Variants in LRRC8A observed in about 807,000 individuals in gnomAD.
The protein encoded by LRRC8A is leucine rich repeat containing 8 VRAC subunit A, also known as volume-regulated anion channel subunit LRRC8A.
LRRC8A carries 24 observed loss-of-function variants against 52.5 expected under a neutral mutation model. That is an observed-to-expected ratio of 0.46 (90% CI 0.33 to 0.64). The LOEUF is 0.64. Ranked by LOEUF, LRRC8A falls within the 30% of genes least tolerant of loss-of-function variation. LRRC8A has a pLI of 0.02. For missense variants in LRRC8A, 677 were observed against 1,094.7 expected (o/e 0.62, Z 5.38); for synonymous variants, 492 against 494.2 (o/e 1.00, Z 0.06).
intron 3 of LRRC8A, among the ~76,000 whole-genome samples, chr9:128,915,244 C>G (rs1840757002): frequency 6.6e-6 from 1 of 152,160 alleles, no homozygotes; most frequent in South Asian, 2.1e-4. Flanking sequence ...GTGCAGAACC[C>G]TATATGTTCT....
At position 128,892,558 on chromosome 9, in the gene LRRC8A, A is replaced by G. The variant is rs1185305141; in HGVS notation, c.-9+6437A>G. Among the ~76,000 whole-genome samples the G allele has an allele frequency of 6.6e-6, 1 of 152,012 alleles. No individual in the cohort carries two copies. The highest frequency in any genetic ancestry group is 2.4e-5 in the African/African-American group (1 of 41,388). Reference sequence around the variant, plus strand: ...ACCCTTCTACACAGGGCGAGTCCCAAGCCAGGCAACACCCCCAGCCAGCAG... The same window carrying G: ...ACCCTTCTACACAGGGCGAGTCCCAGGCCAGGCAACACCCCCAGCCAGCAG... On this transcript the variant is annotated intron_variant, in intron 2 of 3. Coordinates refer to ENST00000372600, the MANE Select transcript of LRRC8A (RefSeq NM_019594.4). The surrounding 1 kb of genome is among the most constrained non-coding windows in gnomAD (Gnocchi z 5.2).
At chr9:128,906,862 C>T (rs1840272595) in intron 2 of LRRC8A, among the ~76,000 whole-genome samples, 1 of 152,336 alleles carries the variant, frequency 6.6e-6, no homozygotes, top group South Asian at 2.1e-4. Context: ...GAGCAGAGAA[C>T]CCTGAGGCTG....
At chr9:128,883,420 G>T (rs1839217840) in intron 1 of LRRC8A, among the ~76,000 whole-genome samples, 1 of 152,250 alleles carries the variant, frequency 6.6e-6, no homozygotes, top group Non-Finnish European at 1.5e-5. Context: ...CTGTGGAGGG[G>T]ATGTGGGAGT....
rs1168789068 is a variant in LRRC8A at position 128,882,142 on chromosome 9, A to G, written c.-224A>G. On this transcript the variant is annotated 5_prime_UTR_variant, in exon 1 of 4. Coordinates refer to ENST00000372600, the MANE Select transcript of LRRC8A (RefSeq NM_019594.4). The stretch of plus-strand genomic sequence containing the variant: ...CGGGGCGGAGGAGGCTGAGTGGTGC[A>G]GTGAGGGACAAACAAAAGGAGGCGC... 1 of 152,294 alleles carries G rather than the reference A, an allele frequency of 6.6e-6. No individual in the cohort carries two copies. Among genetic ancestry groups the G allele is most frequent in the Non-Finnish European group, 1.5e-5 (1 of 68,108 alleles). The allele number at this position is 152,294 out of a possible 1,614,324, so 9.4% of individuals were successfully genotyped here.
Position 128,908,647 on chromosome 9 carries a change from C to T in LRRC8A, c.1483C>T (p.Leu495=). ...APALAFLREN[L]RALHIKFTDI... is the part of the protein sequence containing the mutation. Reference sequence around the variant, plus strand: ...CGCGCTGGCCTTCCTGCGTGAGAACCTGCGGGCGCTGCACATCAAGTTCAC... The same window carrying T: ...CGCGCTGGCCTTCCTGCGTGAGAACTTGCGGGCGCTGCACATCAAGTTCAC... Residue 495 remains leucine, a synonymous_variant, in exon 3 of 4, where the codon CTG becomes TTG. Transcript: ENST00000372600. 6.2e-7 allele frequency: 1 copy of T among 1,612,792 alleles called. No homozygotes were observed. The highest frequency in any genetic ancestry group is 8.5e-7 in the Non-Finnish European group (1 of 1,179,920).
Position 128,908,433 on chromosome 9 carries a change from C to T in LRRC8A, c.1269C>T (p.Asn423=), listed in dbSNP as rs750593208. The change falls in exon 3 of 4, where the codon AAC becomes AAT. Residue 423 remains asparagine (N), a synonymous_variant. Transcript: ENST00000372600. ...AGCTCCGGCAGCGGCTCACCAAGAA[C>T]GCGCAGGACAAGCTGGAGCTGCACC... ...LDKLRQRLTK[N]AQDKLELHLF... is the part of the protein sequence containing the mutation. 144 of 1,613,394 alleles carry T rather than the reference C, an allele frequency of 8.9e-5. 1 individual carries two copies. The highest frequency in any genetic ancestry group is 9.7e-5 in the Non-Finnish European group (115 of 1,180,042).
intron 1 of LRRC8A, among the ~76,000 whole-genome samples, chr9:128,883,746 G>A (rs1588189834): frequency 6.6e-6 from 1 of 152,134 alleles, no homozygotes; most frequent in East Asian, 1.9e-4. Flanking sequence ...AGGCTGAAGC[G>A]GGCAGATCAC....
intron 2 of LRRC8A, among the ~76,000 whole-genome samples, chr9:128,890,376 A>G (rs1312940729): frequency 6.6e-6 from 1 of 152,154 alleles, no homozygotes; most frequent in Non-Finnish European, 1.5e-5. Context: ...GCTGCAATCT[A>G]AGCCTCACGC....
chr9:128,883,589 G>A (rs1314699949), intron 1 of LRRC8A, among the ~76,000 whole-genome samples: 1 of 152,184 alleles, frequency 6.6e-6, no homozygotes, highest in African/African-American at 2.4e-5. Context: ...GAGTGACTGG[G>A]TGGCTGGTCT....
rs915626060 is a variant in LRRC8A, at chr9:128,917,073, G to C, written c.*702G>C. On this transcript the variant is annotated 3_prime_UTR_variant, in exon 4 of 4. Coordinates refer to ENST00000372600, the MANE Select transcript of LRRC8A (RefSeq NM_019594.4). ...AAAAAACAATTTTTTTAAAAAAAAAGCTTTGAAAATGGATGGTTTGGGTAT... is the reference window on the plus strand; with the variant it reads ...AAAAAACAATTTTTTTAAAAAAAAACCTTTGAAAATGGATGGTTTGGGTAT... 2 of 130,688 alleles carry C rather than the reference G, an allele frequency of 1.5e-5. No homozygotes were observed. The highest frequency in any genetic ancestry group is 7.4e-5 in the Admixed American group (1 of 13,518). The allele number at this position is 130,688 out of a possible 1,614,324, so 8.1% of individuals were successfully genotyped here.
intron 1 of LRRC8A, among the ~76,000 whole-genome samples, 182 bp from the exon 2 acceptor site, chr9:128,885,833 C>T (rs1483250026): frequency 2.0e-5 from 3 of 152,196 alleles, no homozygotes; most frequent in Non-Finnish European, 2.9e-5. Context: ...CACTTGAATG[C>T]GGGAGGCGGA....
intron 2 of LRRC8A, among the ~76,000 whole-genome samples, chr9:128,896,760 C>A (rs1449539210): frequency 6.6e-6 from 1 of 152,050 alleles, no homozygotes; most frequent in Admixed American, 6.6e-5. Context: ...CTTGCTCTGT[C>A]ACCCATGCTG....
chr9:128,895,314 A>C (rs530006191), intron 2 of LRRC8A, among the ~76,000 whole-genome samples: 1 of 152,272 alleles, frequency 6.6e-6, no homozygotes, highest in African/African-American at 2.4e-5. Context: ...GTGCCACTGC[A>C]CTCCAGCCTG....
At chr9:128,914,766 G>C (rs1037896552) in intron 3 of LRRC8A, among the ~76,000 whole-genome samples, 2 of 152,242 alleles carry the variant, frequency 1.3e-5, no homozygotes, top group Non-Finnish European at 2.9e-5. Flanking sequence ...GGGACGGGCA[G>C]GCTCAACTCA....
intron 3 of LRRC8A, among the ~76,000 whole-genome samples, chr9:128,910,037 C>A (rs1840439987): frequency 6.6e-6 from 1 of 152,200 alleles, no homozygotes; most frequent in Non-Finnish European, 1.5e-5. Context: ...GGGTGCCAGT[C>A]TCTTACCTGG....
At chr9:128,903,390 G>A (rs1840104375) in intron 2 of LRRC8A, among the ~76,000 whole-genome samples, 1 of 151,498 alleles carries the variant, frequency 6.6e-6, no homozygotes. Flanking sequence ...GGAGTGTTTG[G>A]CATTTGCAGA....
chr9:128,910,031 G>T (rs1269065378), intron 3 of LRRC8A, among the ~76,000 whole-genome samples: 1 of 152,238 alleles, frequency 6.6e-6, no homozygotes, highest in Admixed American at 6.5e-5. Context: ...GTCTGTGGGT[G>T]CCAGTCTCTT....
At chr9:128,897,960 CA>C (rs200799230) in intron 2 of LRRC8A, among the ~76,000 whole-genome samples, 7,855 of 56,720 alleles carry the variant, frequency 0.14, 245 homozygotes, top group East Asian at 0.23. Flanking sequence ...GACTCTGTCT[CA>C]AAAAAAAAAA....
chr9:128,898,608 T>C (rs941959), intron 2 of LRRC8A, among the ~76,000 whole-genome samples: 5,620 of 152,354 alleles, frequency 0.037, 145 homozygotes, highest in Non-Finnish European at 0.059. Flanking sequence ...TGGCTGGCCT[T>C]GGCACACTGG....
Sources: allele counts gnomAD v4.1 joint callset (sites outside exome capture counted in the v4.1 genomes callset), GRCh38; gene constraint gnomAD v4.1.1; non-coding constraint Gnocchi (gnomAD v3.1); transcripts MANE v1.5; gene names NCBI Gene and HGNC (gene_info 2026-07-23, HGNC 2026-07-21).